Variants in TMEFF1 observed in about 807,000 individuals in gnomAD.
TMEFF1 encodes the protein transmembrane protein with EGF like and two follistatin like domains 1.
In TMEFF1, 20 loss-of-function variants were observed where a neutral mutation model predicts 47.5. The observed-to-expected ratio is 0.42, with a 90% CI of 0.30 to 0.61. The LOEUF (loss-of-function observed/expected upper bound fraction) is 0.61. Ranked by LOEUF, TMEFF1 falls within the 20% of genes least tolerant of loss-of-function variation. TMEFF1 has a pLI of 0.19. For missense variants in TMEFF1, 411 were observed against 471.1 expected, an observed-to-expected ratio of 0.87 and a Z score of 1.18; for synonymous variants, 162 against 166.3, an observed-to-expected ratio of 0.97 and a Z score of 0.20.
intron 5 of TMEFF1, chr9:100,518,408 C>T (rs1838108699): frequency 1.0e-6 from 1 of 984,562 alleles, no homozygotes; most frequent in Non-Finnish European, 1.2e-6. Flanking sequence ...CTTGCCACCA[C>T]TATTGTTGCA....
At chr9:100,477,702 T>C (rs1837261777) in intron 1 of TMEFF1, among the ~76,000 whole-genome samples, 1 of 147,458 alleles carries the variant, frequency 6.8e-6, no homozygotes, top group Non-Finnish European at 1.5e-5. Flanking sequence ...CTCGGCTCAC[T>C]GTAACCTCTG....
Position 100,486,381 on chromosome 9 carries a change from T to C in TMEFF1, c.197-12384T>C, listed in dbSNP as rs149127576. Among the ~76,000 whole-genome samples, 163 of 151,602 alleles carry C rather than the reference T, an allele frequency of 1.1e-3. 3 individuals carry two copies. The East Asian group carries it at 0.025, about 23-fold the overall frequency. On this transcript the variant is annotated intron_variant, in intron 1 of 9. Transcript: ENST00000374879. ...CTTCAGCCTCCTGAGTAGCTGGGATTACCGGCGCGTGCCACCATGCCCAGC... is the reference window on the plus strand; with the variant it reads ...CTTCAGCCTCCTGAGTAGCTGGGATCACCGGCGCGTGCCACCATGCCCAGC...
intron 1 of TMEFF1, among the ~76,000 whole-genome samples, chr9:100,492,821 T>C (rs1837580234): frequency 1.3e-5 from 2 of 152,030 alleles, no homozygotes; most frequent in South Asian, 4.2e-4. Context: ...AGAGTTGCTA[T>C]AGGAAGAAGG....
At chr9:100,536,117 G>A (rs1311199225) in intron 5 of TMEFF1, among the ~76,000 whole-genome samples, 1 of 152,188 alleles carries the variant, frequency 6.6e-6, no homozygotes, top group East Asian at 1.9e-4. Context: ...GTAGCAGTGT[G>A]TATATAGATC....
chr9:100,529,880 T>G (rs2118442325), intron 5 of TMEFF1, among the ~76,000 whole-genome samples: 1 of 152,158 alleles, frequency 6.6e-6, no homozygotes, highest in South Asian at 2.1e-4. Flanking sequence ...GAACAGAAAT[T>G]ATAACAAATT....
chr9:100,521,395 C>T (rs1343831290), intron 5 of TMEFF1, among the ~76,000 whole-genome samples: 1 of 152,114 alleles, frequency 6.6e-6, no homozygotes, highest in Non-Finnish European at 1.5e-5. Context: ...GGTTGAGGCT[C>T]CAAGAAATAT....
intron 4 of TMEFF1, among the ~76,000 whole-genome samples, chr9:100,514,714 G>A (rs1008106221): frequency 6.6e-6 from 1 of 150,876 alleles, no homozygotes; most frequent in South Asian, 2.1e-4. Context: ...AAAACAAAAG[G>A]CCGGGCACAG....
chr9:100,515,627 A>G (rs1838053893), intron 4 of TMEFF1, among the ~76,000 whole-genome samples: 1 of 152,062 alleles, frequency 6.6e-6, no homozygotes, highest in African/African-American at 2.4e-5. Context: ...CTCTACTAAA[A>G]GTACAAAAAT....
intron 2 of TMEFF1, among the ~76,000 whole-genome samples, chr9:100,502,746 A>G (rs145213594): frequency 2.0e-3 from 306 of 152,340 alleles, no homozygotes; most frequent in African/African-American, 6.8e-3. Context: ...TTTAAAAAAT[A>G]TACTTGAACA....
At chr9:100,567,917 A>C (rs918213168) in intron 8 of TMEFF1, among the ~76,000 whole-genome samples, 1 of 152,174 alleles carries the variant, frequency 6.6e-6, no homozygotes, top group Admixed American at 6.5e-5. Context: ...GTCACATCTT[A>C]CCTGGATGGC....
chr9:100,530,810 T>C (rs905430517), intron 5 of TMEFF1, among the ~76,000 whole-genome samples: 2 of 151,746 alleles, frequency 1.3e-5, no homozygotes, highest in African/African-American at 4.8e-5. Context: ...CCAATATCCT[T>C]GATGAACATT....
chr9:100,495,905 C>T (rs191140187), intron 1 of TMEFF1, among the ~76,000 whole-genome samples: 13 of 152,298 alleles, frequency 8.5e-5, no homozygotes, highest in Non-Finnish European at 1.8e-4. Flanking sequence ...TGTTTGCTGC[C>T]TCTGCAGTTG....
At chr9:100,494,617 G>C (rs1011406378) in intron 1 of TMEFF1, among the ~76,000 whole-genome samples, 4 of 152,122 alleles carry the variant, frequency 2.6e-5, no homozygotes, top group African/African-American at 9.7e-5. Context: ...GAAAAAAACA[G>C]AGGAAGAATG....
chr9:100,502,436 T>G (rs1837780197), intron 2 of TMEFF1, among the ~76,000 whole-genome samples: 1 of 152,138 alleles, frequency 6.6e-6, no homozygotes, highest in African/African-American at 2.4e-5. Context: ...CATAGCTTAC[T>G]GTAGCCTTGA....
At chr9:100,538,982 G>A (rs1422604093) in intron 5 of TMEFF1, among the ~76,000 whole-genome samples, 4 of 151,840 alleles carry the variant, frequency 2.6e-5, no homozygotes, top group Non-Finnish European at 4.4e-5. Context: ...TCAGCTCATC[G>A]CAACCTCCAC....
intron 8 of TMEFF1, among the ~76,000 whole-genome samples, chr9:100,563,712 G>A (rs375177436): frequency 7.9e-5 from 12 of 152,160 alleles, no homozygotes; most frequent in Admixed American, 2.0e-4. Flanking sequence ...CTCTAAGCCC[G>A]TTAGTCAGGG....
At position 100,516,922 on chromosome 9, in the gene TMEFF1, T is replaced by G. The variant is rs995329810; in HGVS notation, c.560+151T>G. On this transcript the variant is annotated intron_variant, in intron 5 of 9. Transcript: ENST00000374879. ...AATGCTAGTCTATTGACTTTTAAAT[T>G]GATATAATACTATGGCTATTTAAAT... is the stretch of plus-strand genomic sequence containing the variant. 8 of 813,266 alleles carry G rather than the reference T, an allele frequency of 9.8e-6. No individual in the cohort carries two copies. In the African/African-American group the frequency reaches 1.4e-4, roughly 14 times the overall value. 50.4% of individuals were successfully genotyped at this position (813,266 alleles called of 1,614,324 possible). A position where few individuals can be genotyped will look rare whatever the true frequency, so the allele number is the denominator to read the frequency against.
intron 1 of TMEFF1, among the ~76,000 whole-genome samples, chr9:100,481,548 G>A (rs916664337): frequency 6.6e-6 from 1 of 152,192 alleles, no homozygotes; most frequent in African/African-American, 2.4e-5. Context: ...ACCACATTAA[G>A]GTCTTCAAGG....
chr9:100,483,428 TG>T (rs1159393828), intron 1 of TMEFF1, among the ~76,000 whole-genome samples: 1 of 151,604 alleles, frequency 6.6e-6, no homozygotes, highest in Non-Finnish European at 1.5e-5. Flanking sequence ...ACCTGGGAGG[TG>T]GAGGTTGCAG....
Sources: gnomAD v4.1 joint callset for allele counts (sites outside exome capture counted in the v4.1 genomes callset) on GRCh38, gnomAD v4.1.1 for gene constraint, MANE v1.5 for transcripts, NCBI Gene and HGNC (gene_info 2026-07-23, HGNC 2026-07-21) for gene names.